KPNA4: variants seen among roughly 807,000 people sequenced by gnomAD.
KPNA4 encodes the protein karyopherin subunit alpha 4, also known as importin subunit alpha-3.
KPNA4 carries 13 observed loss-of-function variants against 71.3 expected under a neutral mutation model. The observed-to-expected ratio is 0.18, with a 90% confidence interval of 0.12 to 0.29. KPNA4 has a LOEUF of 0.29. Among genes scored for constraint, KPNA4 ranks in the 10% least tolerant of loss-of-function variants. The pLI is 1.00. For missense variants in KPNA4, 334 were observed against 603.2 expected (o/e 0.55, Z 4.67); for synonymous variants, 189 against 195.2 (o/e 0.97, Z 0.26).
chr3:160,555,611 TTCTC>T (rs1280547356), intron 1 of KPNA4, among the ~76,000 whole-genome samples: 2 of 152,194 alleles, frequency 1.3e-5, no homozygotes, highest in African/African-American at 2.4e-5. Flanking sequence ...TGGGATCTCT[TTCTC>T]TCTAAATATT....
intron 1 of KPNA4, among the ~76,000 whole-genome samples, chr3:160,556,032 T>C (rs1168717153): frequency 6.6e-6 from 1 of 152,196 alleles, no homozygotes. Context: ...GGTTTCTCCA[T>C]GTTGGTAGTG....
intron 1 of KPNA4, among the ~76,000 whole-genome samples, chr3:160,551,414 A>G (rs1228048880): frequency 6.6e-6 from 1 of 152,190 alleles, no homozygotes; most frequent in Non-Finnish European, 1.5e-5. Context: ...AATTGATGTG[A>G]TTAGTGAAAA....
In KPNA4 at chr3:160,500,029, AC is replaced by A. The variant is rs1720844441; in HGVS notation, c.*2074del. 6.6e-6 allele frequency: 1 copy of A among 151,704 alleles called. No homozygotes were observed. The allele number at this position is 151,704 out of a possible 1,614,324, so 9.4% of individuals were successfully genotyped here. A position where few individuals can be genotyped will look rare whatever the true frequency, so the allele number is the denominator to read the frequency against. On this transcript the variant is annotated 3_prime_UTR_variant, in exon 17 of 17. Coordinates refer to ENST00000334256, the MANE Select transcript of KPNA4 (RefSeq NM_002268.5). ...TGGGCTAAAATATTAATATGTCCAT[AC>A]TGAAATGACAGAACCAAAGAAATTT... is the stretch of plus-strand genomic sequence containing the variant.
rs566230352 is a variant in KPNA4 at position 160,510,962 on chromosome 3, A to AT, written c.1138-1092dup. On this transcript the variant is annotated intron_variant, in intron 13 of 16. Coordinates refer to ENST00000334256, the MANE Select transcript of KPNA4 (RefSeq NM_002268.5). ...ACCACCACGCCTGGCTAGTTTTTGT[A>AT]TTTTTTTTGGTAGAGACACGGTTTC... Among the ~76,000 whole-genome samples, 504 of 147,734 alleles carry AT rather than the reference A, an allele frequency of 3.4e-3. 3 individuals are homozygous for AT. Among genetic ancestry groups the AT allele is most frequent in the African/African-American group, 0.011 (438 of 39,944 alleles).
At chr3:160,518,377 C>T (rs1459814609) in intron 11 of KPNA4, among the ~76,000 whole-genome samples, 4 of 149,872 alleles carry the variant, frequency 2.7e-5, no homozygotes, top group East Asian at 2.0e-4. Flanking sequence ...CCTCGTGATC[C>T]GCCCGCCTCG....
chr3:160,505,319 A>T (rs1328836565), intron 15 of KPNA4, among the ~76,000 whole-genome samples: 1 of 152,218 alleles, frequency 6.6e-6, no homozygotes, highest in Non-Finnish European at 1.5e-5. Context: ...CTGCCTATTC[A>T]TCAGAATACA....
intron 8 of KPNA4, among the ~76,000 whole-genome samples, chr3:160,526,557 G>A (rs1435408382): frequency 6.6e-6 from 1 of 152,206 alleles, no homozygotes; most frequent in Non-Finnish European, 1.5e-5. Flanking sequence ...GGTTCTCAAT[G>A]TGATTATTGG....
At chr3:160,554,558 G>A (rs560502983) in intron 1 of KPNA4, among the ~76,000 whole-genome samples, 2 of 152,228 alleles carry the variant, frequency 1.3e-5, no homozygotes, top group African/African-American at 4.8e-5. Context: ...TGAGATGACT[G>A]GTGACTCGGG....
rs1720728164 is a variant in KPNA4, at chr3:160,495,117, GGAAA to G, written c.*6983_*6986del. 3 of 152,120 alleles carry G rather than the reference GGAAA, an allele frequency of 2.0e-5. No individual in the cohort carries two copies. The South Asian group carries it at 6.2e-4, about 31-fold the overall frequency. 9.4% of individuals were successfully genotyped at this position (152,120 alleles called of 1,614,324 possible). A position where few individuals can be genotyped will look rare whatever the true frequency, so the allele number is the denominator to read the frequency against. On this transcript the variant is annotated 3_prime_UTR_variant, in exon 17 of 17. Transcript: ENST00000334256. ...GCCCTTAAGGAGCTTACAATCTAGTGGAAAGAAAGACGGAGAAACTCAGATGTGA... is the reference window on the plus strand; with the variant it reads ...GCCCTTAAGGAGCTTACAATCTAGTGGAAAGACGGAGAAACTCAGATGTGA...
intron 1 of KPNA4, among the ~76,000 whole-genome samples, chr3:160,560,276 G>A (rs1722216858): frequency 6.6e-6 from 1 of 152,002 alleles, no homozygotes; most frequent in Non-Finnish European, 1.5e-5. Flanking sequence ...AAGCACAAGA[G>A]TTTCTTCTTT....
rs1382335427 is a variant in KPNA4, at chr3:160,495,960, C to T, written c.*6144G>A. 6.8e-6 allele frequency: 1 copy of T among 146,348 alleles called. No homozygotes were observed. The highest frequency in any genetic ancestry group is 1.5e-5 in the Non-Finnish European group (1 of 67,304). The allele number at this position is 146,348 out of a possible 1,614,324, so 9.1% of individuals were successfully genotyped here. ...AGGTAAATACCCTCTTTAGCTGAGT[C>T]CAAGACTTTGGATATTAGATTACTG... On this transcript the variant is annotated 3_prime_UTR_variant, in exon 17 of 17. Transcript: ENST00000334256.
chr3:160,534,964 C>T (rs566696939), intron 5 of KPNA4, among the ~76,000 whole-genome samples: 5 of 151,918 alleles, frequency 3.3e-5, no homozygotes, highest in South Asian at 2.1e-4. Flanking sequence ...CCTCACGATC[C>T]GCCCACCTCG....
intron 11 of KPNA4, among the ~76,000 whole-genome samples, chr3:160,519,659 GT>G (rs768655347): frequency 2.9e-4 from 44 of 151,704 alleles, no homozygotes; most frequent in Middle Eastern, 6.8e-3. Context: ...GCCGGGCGCG[GT>G]GGTGGGCGCC....
chr3:160,552,843 GTAAC>G (rs2108560095), intron 1 of KPNA4, among the ~76,000 whole-genome samples: 1 of 152,256 alleles, frequency 6.6e-6, no homozygotes, highest in South Asian at 2.1e-4. Flanking sequence ...AAGAGTATAA[GTAAC>G]TAAGGCAGAT....
chr3:160,511,327 G>A (rs9863277), intron 13 of KPNA4, among the ~76,000 whole-genome samples: 7 of 150,612 alleles, frequency 4.6e-5, no homozygotes, highest in African/African-American at 9.8e-5. Flanking sequence ...GGATGGTCTC[G>A]ATCTCCTGAC....
At chr3:160,526,143 A>G in intron 8 of KPNA4, 36 bp from the exon 9 acceptor site, 1 of 1,413,664 alleles carries the variant, frequency 7.1e-7, no homozygotes, top group South Asian at 1.8e-5. Flanking sequence ...TCAATAAAAC[A>G]TACTGACAGT....
At position 160,513,058 on chromosome 3, in the gene KPNA4, A is replaced by G. The variant is rs1182216054; in HGVS notation, c.1137+1019T>C. 2.0e-5 allele frequency among the ~76,000 whole-genome samples: 3 copies of G among 152,128 alleles called. No homozygotes were observed. The East Asian group carries it at 5.8e-4, about 29-fold the overall frequency. On this transcript the variant is annotated intron_variant, in intron 13 of 16. Coordinates refer to ENST00000334256, the MANE Select transcript of KPNA4 (RefSeq NM_002268.5). ...ACACCTCAGATCACTCAACAATCTTAATATCACTACATGTAAGACAGACTG... is the reference window on the plus strand; with the variant it reads ...ACACCTCAGATCACTCAACAATCTTGATATCACTACATGTAAGACAGACTG...
intron 16 of KPNA4, 81 bp from the exon 17 acceptor site, chr3:160,502,283 C>A (rs1393703457): frequency 3.4e-6 from 2 of 591,920 alleles, no homozygotes; most frequent in East Asian, 3.6e-5. Flanking sequence ...ATCCCATTAC[C>A]CTTAAAAAAA....
chr3:160,503,062 G>T (rs1720915106), intron 16 of KPNA4, among the ~76,000 whole-genome samples: 1 of 152,100 alleles, frequency 6.6e-6, no homozygotes, highest in Non-Finnish European at 1.5e-5. Context: ...AGTGAGCCAA[G>T]ATTGTGCCAC....
Sources: gnomAD v4.1 joint callset for allele counts (sites outside exome capture counted in the v4.1 genomes callset) on GRCh38, gnomAD v4.1.1 for gene constraint, MANE v1.5 for transcripts, NCBI Gene and HGNC (gene_info 2026-07-23, HGNC 2026-07-21) for gene names.